PSMD9: variants seen among roughly 807,000 people sequenced by gnomAD.
The protein encoded by PSMD9 is proteasome 26S subunit, non-ATPase 9.
A neutral mutation model predicts 25.9 loss-of-function variants in PSMD9; 26 were observed. The observed-to-expected ratio is 1.00, with a 90% CI of 0.73 to 1.39. PSMD9 has a LOEUF of 1.39. Ranked by LOEUF, PSMD9 falls within the 40% of genes most tolerant of loss-of-function variation. The probability of loss-of-function intolerance (pLI) is 0.00; values close to 1 mark genes in which losing one functional copy is unlikely to be tolerated. For missense variants in PSMD9, 303 were observed against 299.3 expected (o/e 1.01, Z -0.09); for synonymous variants, 110 against 114.5 (o/e 0.96, Z 0.25).
intron 4 of PSMD9, among the ~76,000 whole-genome samples, chr12:121,904,786 T>G (rs1290605061): frequency 1.3e-5 from 2 of 149,470 alleles, no homozygotes; most frequent in East Asian, 4.1e-4. Flanking sequence ...GCCTCCTGAG[T>G]AGCTGGGATT....
chr12:121,913,668 AT>A (rs959770317), intron 4 of PSMD9, among the ~76,000 whole-genome samples: 5 of 151,224 alleles, frequency 3.3e-5, no homozygotes, highest in Middle Eastern at 3.4e-3. Context: ...ATTAAAAAAA[AT>A]ATATGTTTTT....
chr12:121,900,172 T>C (rs1879350045), intron 3 of PSMD9, among the ~76,000 whole-genome samples: 1 of 152,102 alleles, frequency 6.6e-6, no homozygotes, highest in African/African-American at 2.4e-5. Context: ...AAAATGAGAA[T>C]GGCATCTTGC....
At chr12:121,898,190 G>C (rs1394643840) in intron 2 of PSMD9, 2 of 152,166 alleles carry the variant, frequency 1.3e-5, no homozygotes, top group African/African-American at 4.8e-5. Flanking sequence ...TGAGGGTCTT[G>C]CCTTTGCTCC....
chr12:121,909,441 G>C (rs891643593), intron 4 of PSMD9, among the ~76,000 whole-genome samples: 1 of 151,740 alleles, frequency 6.6e-6, no homozygotes, highest in African/African-American at 2.4e-5. Context: ...GGCCTCCCAG[G>C]TAGCTGGGAC....
rs571753916 is a variant in PSMD9 at position 121,896,827 on chromosome 12, ACT to A, written c.241+1989_241+1990del. Among the ~76,000 whole-genome samples, 195 of 142,044 alleles carry A rather than the reference ACT, an allele frequency of 1.4e-3. 1 individual carries two copies. Among genetic ancestry groups the A allele is most frequent in the Admixed American group, 2.3e-3 (33 of 14,108 alleles). 93.2% of individuals were successfully genotyped at this position (142,044 alleles called of 152,430 possible). On this transcript the variant is annotated intron_variant, in intron 2 of 5. Transcript: ENST00000541212. ...CTCCAGCCTGGGCAACAAGAGTGAA[ACT>A]CTGTCTCAAAAAAAAAAAAAAAAAG...
In PSMD9 at chr12:121,899,865, C is replaced by T. The variant is rs1348644102; in HGVS notation, c.453+20C>T. ...ATCGCGGTAATCCAGGGGTTGGCCA[C>T]TCAAGTCCATGCCCAGGGGACACGG... On this transcript the variant is annotated intron_variant, in intron 3 of 5. Coordinates refer to ENST00000541212, the MANE Select transcript of PSMD9 (RefSeq NM_002813.7). 1.2e-6 allele frequency: 2 copies of T among 1,613,552 alleles called. No individual in the cohort carries two copies. The highest frequency in any genetic ancestry group is 1.1e-5 in the South Asian group (1 of 91,056).
intron 4 of PSMD9, among the ~76,000 whole-genome samples, chr12:121,913,638 TGC>T (rs1879805233): frequency 6.6e-6 from 1 of 150,888 alleles, no homozygotes; most frequent in Non-Finnish European, 1.5e-5. Context: ...ACTACAGATG[TGC>T]GTCATCAAGC....
chr12:121,903,089 G>A lies in PSMD9; in HGVS notation c.537G>A (p.Val179=). The A allele has an allele frequency of 6.2e-7, 1 of 1,613,880 alleles. No homozygotes were observed. The change falls in exon 4 of 6, where the codon GTG becomes GTA. Residue 179 remains valine, a synonymous_variant. Coordinates refer to ENST00000541212, the MANE Select transcript of PSMD9 (RefSeq NM_002813.7). ...NFQSLHNIGS[V]VQHSEGKPLN... ...AGTCACTGCATAACATTGGCAGTGT[G>A]GTGCAGCACAGTGAGGGGGTGAGTG...
intron 1 of PSMD9, among the ~76,000 whole-genome samples, chr12:121,893,413 C>T (rs1233254830): frequency 6.6e-6 from 1 of 152,230 alleles, no homozygotes; most frequent in Non-Finnish European, 1.5e-5. Context: ...CCTGGACTGA[C>T]TAATCCTTAC....
intron 2 of PSMD9, among the ~76,000 whole-genome samples, chr12:121,895,309 A>G (rs979236795): frequency 2.6e-5 from 4 of 152,054 alleles, no homozygotes; most frequent in Non-Finnish European, 5.9e-5. Context: ...CAAGGTGCTG[A>G]TTGTTTTTAA....
Position 121,893,159 on chromosome 12 carries a change from G to C in PSMD9, c.139-1580G>C, listed in dbSNP as rs1353411393. Among the ~76,000 whole-genome samples the C allele has an allele frequency of 2.6e-5, 4 of 152,320 alleles. No individual in the cohort carries two copies. The East Asian group carries it at 7.7e-4, about 29-fold the overall frequency. ...TCCTTTGAGAAGCATTATCCAATGT[G>C]ATATTGATTCTCAAAGGCTGGTCAA... On this transcript the variant is annotated intron_variant, in intron 1 of 5. Transcript: ENST00000541212.
At position 121,916,289 on chromosome 12, in the gene PSMD9, A is replaced by C. The variant is rs527756062; in HGVS notation, c.650A>C (p.Asn217Thr). The change falls in exon 6 of 6, where the codon AAC becomes ACC. Residue 217 changes from asparagine (N) to threonine (T), a missense_variant. Asn to Thr is a moderately conservative substitution (Grantham distance 65). Coordinates refer to ENST00000541212, the MANE Select transcript of PSMD9 (RefSeq NM_002813.7). ...RWAGKGLLGC[N>T]IIPLQR is the part of the protein sequence containing the mutation. ...CCTTTTCTTCTTTCTTCCAGCTGCA[A>C]CATTATTCCTCTGCAAAGATGATTG... is the stretch of plus-strand genomic sequence containing the variant. The C allele has an allele frequency of 1.6e-4, 258 of 1,614,122 alleles. 1 individual carries two copies. In the South Asian group the frequency reaches 2.4e-3, roughly 15 times the overall value.
At position 121,894,814 on chromosome 12, in the gene PSMD9, G is replaced by C. The variant is rs765708287; in HGVS notation, c.214G>C (p.Val72Leu). The C allele has an allele frequency of 1.9e-6, 3 of 1,613,906 alleles. No individual in the cohort carries two copies. In the East Asian group the frequency reaches 6.7e-5, roughly 36 times the overall value. ...YPRSDVDLYQ[V>L]RTARHNIICL... is the part of the protein sequence containing the mutation. ...CCGGTCAGACGTGGACCTGTACCAA[G>C]TCCGCACCGCCAGGCACAACATCAT... The change falls in exon 2 of 6, where the codon GTC becomes CTC. Residue 72 changes from valine (V) to leucine (L), a missense_variant. Transcript: ENST00000541212.
At chr12:121,893,941 G>A (rs1297139896) in intron 1 of PSMD9, 1 of 152,246 alleles carries the variant, frequency 6.6e-6, no homozygotes, top group East Asian at 1.9e-4. Context: ...GCAGCAGGTA[G>A]GGAGGGAGGC....
chr12:121,902,160 GC>G (rs1297700338), intron 3 of PSMD9: 7 of 152,186 alleles, frequency 4.6e-5, no homozygotes, highest in African/African-American at 2.4e-5. Flanking sequence ...TAATTCCACA[GC>G]CACTTCTGGG....
At chr12:121,913,226 G>A (rs575062563) in intron 4 of PSMD9, among the ~76,000 whole-genome samples, 3 of 151,780 alleles carry the variant, frequency 2.0e-5, no homozygotes, top group Non-Finnish European at 4.4e-5. Flanking sequence ...TTACAGGCGT[G>A]AGCCACCGCG....
chr12:121,891,683 A>G (rs994751620), intron 1 of PSMD9, among the ~76,000 whole-genome samples: 10 of 151,802 alleles, frequency 6.6e-5, no homozygotes, highest in Non-Finnish European at 1.2e-4. Context: ...AGGTGTGTGG[A>G]TCGCTTGAGG....
Position 121,915,890 on chromosome 12 carries a change from A to C in PSMD9, c.590A>C (p.Glu197Ala), listed in dbSNP as rs14259. Residue 197 changes from glutamate to alanine, a missense_variant, in exon 5 of 6, where the codon GAA becomes GCA. Physicochemically the swap from Glu to Ala is moderately radical, Grantham distance 107. Transcript: ENST00000541212. Reference sequence around the variant, plus strand: ...AATGTGACAGTGATCCGCAGGGGGGAAAAACACCAGCTTAGACTTGTTCCA... The same window carrying C: ...AATGTGACAGTGATCCGCAGGGGGGCAAAACACCAGCTTAGACTTGTTCCA... ...PLNVTVIRRGEKHQLRLVPTR... is the reference protein window; with the variant it reads ...PLNVTVIRRGAKHQLRLVPTR... 3 of 1,612,860 alleles carry C rather than the reference A, an allele frequency of 1.9e-6. No homozygotes were observed. The South Asian group carries it at 3.3e-5, about 18-fold the overall frequency.
At chr12:121,889,028 A>T (rs1387218222) in intron 1 of PSMD9, 34 bp downstream of exon 1, 1 of 1,561,090 alleles carries the variant, frequency 6.4e-7, no homozygotes, top group Non-Finnish European at 8.7e-7. Context: ...CAAGTCGCCT[A>T]ACCCGGCCCG....
Sources: allele counts gnomAD v4.1 joint callset (sites outside exome capture counted in the v4.1 genomes callset), GRCh38; gene constraint gnomAD v4.1.1; transcripts MANE v1.5; gene names NCBI Gene and HGNC (gene_info 2026-07-23, HGNC 2026-07-21).